Variants in P2RX5 observed in about 807,000 individuals in gnomAD.
P2RX5 encodes the protein P2X purinoceptor 5.
In P2RX5, 46 loss-of-function variants were observed where a neutral mutation model predicts 54.1. That is an observed-to-expected ratio of 0.85 (90% CI 0.67 to 1.09). The LOEUF (loss-of-function observed/expected upper bound fraction) is 1.09. Ranked by LOEUF, P2RX5 falls within the 50% of genes least tolerant of loss-of-function variation. The pLI, the probability that P2RX5 is intolerant of heterozygous loss-of-function variation, is 0.00. For synonymous variants in P2RX5, 226 were observed against 226.4 expected (o/e 1.00, Z 0.02); for missense variants, 566 against 549.8 (o/e 1.03, Z -0.29).
At chr17:3,681,061 C>T (rs555266190) in intron 10 of P2RX5, among the ~76,000 whole-genome samples, 60 of 152,162 alleles carry the variant, frequency 3.9e-4, no homozygotes, top group African/African-American at 1.4e-3. Context: ...CACCCTGCAT[C>T]CTCCACCCAG....
At chr17:3,701,924 A>T in the P2RX5 span, among the ~76,000 whole-genome samples, 58,818 of 150,984 alleles carry the variant, frequency 0.39, 13,622 homozygotes, top group South Asian at 0.61. Context: ...CCCGGCGGTG[A>T]GTAATTTTTT....
intron 10 of P2RX5, among the ~76,000 whole-genome samples, chr17:3,680,454 A>C (rs376901809): frequency 0.029 from 492 of 17,118 alleles, no homozygotes; most frequent in African/African-American, 0.054. Context: ...CTCCACCCTG[A>C]GTCCTCCACC....
At chr17:3,707,164 G>A in the P2RX5 span, among the ~76,000 whole-genome samples, 4 of 152,068 alleles carry the variant, frequency 2.6e-5, no homozygotes, top group African/African-American at 9.7e-5. Flanking sequence ...TTGGGAAAAC[G>A]GGGCAAAACA....
At position 3,679,304 on chromosome 17, in the gene P2RX5, CAG is replaced by C. The variant is rs1194052403; in HGVS notation, c.1259+284_1259+285del. ...ACGGAGAGTACAGAGGGGTTCCAGG[CAG>C]AGAGTCAGTGCTGTGGAGCAGCGCG... On this transcript the variant is annotated intron_variant, in intron 11 of 11. Transcript: ENST00000225328. Among the ~76,000 whole-genome samples the C allele has an allele frequency of 2.0e-5, 3 of 152,140 alleles. No homozygotes were observed. The South Asian group carries it at 6.2e-4, about 31-fold the overall frequency.
intron 11 of P2RX5, chr17:3,676,429 G>A (rs931330668): frequency 1.0e-6 from 1 of 972,046 alleles, no homozygotes; most frequent in Non-Finnish European, 1.2e-6. Context: ...GACGGAGGTT[G>A]CTTTTCACTG....
At chr17:3,720,267 AT>A in the P2RX5 span, 1 of 977,718 alleles carries the variant, frequency 1.0e-6, no homozygotes, top group Non-Finnish European at 1.7e-6. Flanking sequence ...GTTAGGCACA[AT>A]TTTCCTTGGG....
In P2RX5 at chr17:3,675,921, G is replaced by A. The variant is rs977792711; in HGVS notation, c.1260-2044C>T. ...GTTCCCTTCCCAGAAAACCCAAAGC[G>A]AGGAAGTTGCTTTGCTCTAGGAGGG... On this transcript the variant is annotated intron_variant, in intron 11 of 11. Transcript: ENST00000225328. 16 of 985,370 alleles carry A rather than the reference G, an allele frequency of 1.6e-5. No individual in the cohort carries two copies. The East Asian group carries it at 5.7e-4, about 35-fold the overall frequency. The allele number at this position is 985,370 out of a possible 1,614,324, so 61.0% of individuals were successfully genotyped here. A position where few individuals can be genotyped will look rare whatever the true frequency, so the allele number is the denominator to read the frequency against.
chr17:3,681,667 C>A (rs1015436730), intron 10 of P2RX5, among the ~76,000 whole-genome samples: 16 of 152,208 alleles, frequency 1.1e-4, no homozygotes, highest in Non-Finnish European at 2.2e-4. Context: ...TCAGGCGGAG[C>A]CTGTGAACTC....
the P2RX5 span, among the ~76,000 whole-genome samples, chr17:3,701,696 G>GAAA: frequency 1.8e-4 from 13 of 73,424 alleles, no homozygotes; most frequent in African/African-American, 6.4e-4. Context: ...CTCTGTCTCA[G>GAAA]AAAAAAAAAA....
chr17:3,713,269 A>T, the P2RX5 span, among the ~76,000 whole-genome samples: 2 of 151,764 alleles, frequency 1.3e-5, no homozygotes, highest in Admixed American at 6.6e-5. Flanking sequence ...GCTGAGGCAG[A>T]GGACGGCTTG....
At chr17:3,700,357 AC>A (rs2143003151), upstream of P2RX5, among the ~76,000 whole-genome samples, 1 of 151,924 alleles carries the variant, frequency 6.6e-6, no homozygotes, top group East Asian at 1.9e-4. Flanking sequence ...ACATGGTGAA[AC>A]CCCCTCTCTA....
chr17:3,689,990 G>T, intron 6 of P2RX5, 80 bp downstream of exon 6: 2 of 1,248,762 alleles, frequency 1.6e-6, no homozygotes, highest in Non-Finnish European at 2.4e-6. Flanking sequence ...ACACCCCCAG[G>T]CAGAGACCCA....
In P2RX5 at chr17:3,691,773, C is replaced by A. The variant is rs1417977132; in HGVS notation, c.159G>T (p.Lys53Asn). 6.2e-7 allele frequency: 1 copy of A among 1,614,180 alleles called. No homozygotes were observed. Among genetic ancestry groups the A allele is most frequent in the East Asian group, 2.2e-5 (1 of 44,882 alleles). ...GGGAGGTGTCGACGTCTTGGTAACC[C>A]TTCTTTATCAGGAACACCCATCTGT... ...YLVVWVFLIK[K>N]GYQDVDTSLQ... The change falls in exon 2 of 12, where the codon AAG (lysine) becomes AAT (asparagine). Residue 53 changes from lysine (K) to asparagine (N), a missense_variant. By Grantham distance (94) the Lys-to-Asn change is moderately conservative. Transcript: ENST00000225328.
At position 3,690,620 on chromosome 17, in the gene P2RX5, C is replaced by T. The variant is rs779710092; in HGVS notation, c.421G>A (p.Val141Ile). The T allele has an allele frequency of 2.5e-6, 4 of 1,613,492 alleles. No individual in the cohort carries two copies. The highest frequency in any genetic ancestry group is 3.4e-6 in the Non-Finnish European group (4 of 1,180,040). ...KDSDCHAGEA[V>I]TAGNGVKTGR... is the part of the protein sequence containing the mutation. The stretch of plus-strand genomic sequence containing the variant: ...AGGCCCTCACCGTTTCCAGCTGTAA[C>T]CGCTTCCCCAGCGTGGCAGTCGCTG... Residue 141 changes from valine to isoleucine, a missense_variant, in exon 4 of 12, where the codon GTT becomes ATT. Physicochemically the swap from Val to Ile is conservative, Grantham distance 29. Coordinates refer to ENST00000225328, the MANE Select transcript of P2RX5 (RefSeq NM_002561.4).
chr17:3,689,634 G>A lies in P2RX5; in HGVS notation c.615-4C>T. The A allele has an allele frequency of 6.2e-7, 1 of 1,614,126 alleles. No individual in the cohort carries two copies. The highest frequency in any genetic ancestry group is 8.5e-7 in the Non-Finnish European group (1 of 1,180,024). On this transcript the variant is annotated splice_region_variant and splice_polypyrimidine_tract_variant and intron_variant, in intron 6 of 11. Coordinates refer to ENST00000225328, the MANE Select transcript of P2RX5 (RefSeq NM_002561.4). ...CTTGACGTCCATCACATTGCTTCTG[G>A]GTGGAGGCCATGGGCAGCCGAGAAA...
intron 11 of P2RX5, chr17:3,676,310 CAGG>C (rs2050103319): frequency 1.7e-5 from 17 of 985,284 alleles, no homozygotes; most frequent in Middle Eastern, 1.0e-3. Context: ...GCGCCAGCGT[CAGG>C]AGAAGTTCAT....
At chr17:3,677,463 C>A in intron 11 of P2RX5, 1 of 985,482 alleles carries the variant, frequency 1.0e-6, no homozygotes, top group Non-Finnish European at 1.2e-6. Context: ...TGCTCCAGTC[C>A]TTTCCTGGTT....
intron 8 of P2RX5, 49 bp downstream of exon 8, chr17:3,688,577 G>A (rs757200314): frequency 6.8e-6 from 11 of 1,607,932 alleles, no homozygotes; most frequent in Non-Finnish European, 9.4e-6. Flanking sequence ...AGATGAGTGA[G>A]TGCCACTGAT....
At position 3,691,718 on chromosome 17, in the gene P2RX5, C is replaced by T. The variant is rs367572625; in HGVS notation, c.214G>A (p.Gly72Ser). The T allele has an allele frequency of 4.3e-6, 7 of 1,614,104 alleles. No homozygotes were observed. The highest frequency in any genetic ancestry group is 1.7e-5 in the Admixed American group (1 of 60,006). ...TCCGAGGTGTTGGTGAAGGCCACGC[C>T]CTTGACTTTGGTGATGACAGCACTC... ...LQSAVITKVK[G>S]VAFTNTSDLG... is the part of the protein sequence containing the mutation. The change falls in exon 2 of 12, where the codon GGC becomes AGC. Residue 72 changes from glycine to serine, a missense_variant. Coordinates refer to ENST00000225328, the MANE Select transcript of P2RX5 (RefSeq NM_002561.4).
Sources: allele counts gnomAD v4.1 joint callset (sites outside exome capture counted in the v4.1 genomes callset), GRCh38; gene constraint gnomAD v4.1.1; transcripts MANE v1.5; gene names NCBI Gene and HGNC (gene_info 2026-07-23, HGNC 2026-07-21).